Variants in PCDHGA7 observed in about 807,000 individuals in gnomAD.
PCDHGA7 encodes protocadherin gamma-A7.
A neutral mutation model predicts 58.3 loss-of-function variants in PCDHGA7; 44 were observed. That is an observed-to-expected ratio of 0.75 (90% CI 0.59 to 0.97). PCDHGA7 has a LOEUF of 0.97. Among genes scored for constraint, PCDHGA7 ranks in the 50% least tolerant of loss-of-function variants. PCDHGA7 has a pLI of 0.00. For synonymous variants in PCDHGA7, 516 were observed against 504.2 expected (o/e 1.02, Z -0.31); for missense variants, 1,266 against 1,188.7 (o/e 1.06, Z -0.96).
At position 141,412,973 on chromosome 5, in the gene PCDHGA7, C is replaced by A. The variant is rs2095594108; in HGVS notation, c.2424+27650C>A. 14 of 528,318 alleles carry A rather than the reference C, an allele frequency of 2.6e-5. No individual in the cohort carries two copies. In the South Asian group the frequency reaches 3.3e-4, roughly 12 times the overall value. The allele number at this position is 528,318 out of a possible 1,614,324, so 32.7% of individuals were successfully genotyped here. A position where few individuals can be genotyped will look rare whatever the true frequency, so the allele number is the denominator to read the frequency against. Reference sequence around the variant, plus strand: ...GCTGTTCACCTACTAGGAGAGAAAACGCAGCCAGAGCTCAATCCGGATTCT... The same window carrying A: ...GCTGTTCACCTACTAGGAGAGAAAAAGCAGCCAGAGCTCAATCCGGATTCT... On this transcript the variant is annotated intron_variant, in intron 1 of 3. Transcript: ENST00000518325.
intron 1 of PCDHGA7, chr5:141,420,386 A>G (rs1407565643): frequency 6.2e-6 from 8 of 1,284,798 alleles, no homozygotes; most frequent in Non-Finnish European, 7.2e-6. Context: ...AGTTCGCAAA[A>G]TATAGGTCAA....
rs376067853 is a variant in PCDHGA7, at chr5:141,408,397, G to C, written c.2424+23074G>C. 261 of 1,614,068 alleles carry C rather than the reference G, an allele frequency of 1.6e-4. 1 individual carries two copies. In the East Asian group the frequency reaches 5.2e-3, roughly 32 times the overall value. On this transcript the variant is annotated intron_variant, in intron 1 of 3. Coordinates refer to ENST00000518325, the MANE Select transcript of PCDHGA7 (RefSeq NM_018920.4). The stretch of plus-strand genomic sequence containing the variant: ...GTGTCCTGGATGTGTCGGCTCGCAA[G>C]CTGCGAGTGAGCGCGGAGAAGCTGC...
At chr5:141,394,425 G>A (rs2092997484) in intron 1 of PCDHGA7, 6 of 1,614,232 alleles carry the variant, frequency 3.7e-6, no homozygotes, top group Non-Finnish European at 5.1e-6. Flanking sequence ...CAGCGACAGC[G>A]GGGACCCGCC....
rs772043134 is a variant in PCDHGA7, at chr5:141,432,746, G to A, written c.2424+47423G>A. 1.2e-6 allele frequency: 2 copies of A among 1,614,098 alleles called. No homozygotes were observed. Among genetic ancestry groups the A allele is most frequent in the East Asian group, 4.5e-5 (2 of 44,860 alleles). On this transcript the variant is annotated intron_variant, in intron 1 of 3. Coordinates refer to ENST00000518325, the MANE Select transcript of PCDHGA7 (RefSeq NM_018920.4). The surrounding 1 kb of genome is among the most constrained non-coding windows in gnomAD (Gnocchi z 6.0). ...CTCCGCCACTGTCACGCTCACCGTGGCCGTGGCCGACAGCATCCCCCAAGT... is the reference window on the plus strand; with the variant it reads ...CTCCGCCACTGTCACGCTCACCGTGACCGTGGCCGACAGCATCCCCCAAGT...
chr5:141,460,214 G>C (rs925628892), intron 1 of PCDHGA7, among the ~76,000 whole-genome samples: 1 of 151,896 alleles, frequency 6.6e-6, no homozygotes, highest in South Asian at 2.1e-4. Flanking sequence ...CATTTTCTTA[G>C]TTGTGTCTTT....
At chr5:141,459,735 T>A (rs114520602) in intron 1 of PCDHGA7, among the ~76,000 whole-genome samples, 1 of 152,374 alleles carries the variant, frequency 6.6e-6, no homozygotes, top group Non-Finnish European at 1.5e-5. Flanking sequence ...GTCAATTTTT[T>A]AAATTTTAGC....
intron 1 of PCDHGA7, chr5:141,415,275 G>A (rs1242620005): frequency 5.6e-6 from 9 of 1,614,094 alleles, no homozygotes; most frequent in East Asian, 4.5e-5. Flanking sequence ...TGGTGGTAGC[G>A]GTGGCCGCGG....
intron 1 of PCDHGA7, chr5:141,395,340 G>T (rs529007241): frequency 2.1e-6 from 3 of 1,419,360 alleles, no homozygotes; most frequent in Non-Finnish European, 1.9e-6. Flanking sequence ...TAATTTTTAA[G>T]GTGTATCACA....
intron 1 of PCDHGA7, chr5:141,388,479 C>T (rs1345463224): frequency 4.3e-6 from 7 of 1,613,652 alleles, no homozygotes; most frequent in Non-Finnish European, 1.7e-6. Flanking sequence ...ATTGAAGACA[C>T]CTTTGGACAG....
At chr5:141,421,192 C>G (rs758345796) in intron 1 of PCDHGA7, 22 of 1,491,716 alleles carry the variant, frequency 1.5e-5, no homozygotes, top group Non-Finnish European at 1.9e-5. Flanking sequence ...AACCAACCAG[C>G]TCGAGAAACC....
chr5:141,430,686 C>G, intron 1 of PCDHGA7: 1 of 1,397,218 alleles, frequency 7.2e-7, no homozygotes, highest in Non-Finnish European at 9.5e-7. Context: ...CTGTCCCATT[C>G]TATGGGCGAA....
chr5:141,389,398 T>A, intron 1 of PCDHGA7: 1 of 1,613,654 alleles, frequency 6.2e-7, no homozygotes. Flanking sequence ...TACGTGTCCA[T>A]AAGCGCGGAG....
Position 141,432,759 on chromosome 5 carries a change from G to A in PCDHGA7, c.2424+47436G>A. 6.2e-7 allele frequency: 1 copy of A among 1,614,150 alleles called. No individual in the cohort carries two copies. The highest frequency in any genetic ancestry group is 8.5e-7 in the Non-Finnish European group (1 of 1,180,006). On this transcript the variant is annotated intron_variant, in intron 1 of 3. Coordinates refer to ENST00000518325, the MANE Select transcript of PCDHGA7 (RefSeq NM_018920.4). This position sits in a 1 kb window ranked among gnomAD's most constrained non-coding sequence, Gnocchi z 6.0. ...ACGCTCACCGTGGCCGTGGCCGACA[G>A]CATCCCCCAAGTCCTGGCGGACCTC...
chr5:141,399,030 G>C, intron 1 of PCDHGA7: 1 of 1,613,824 alleles, frequency 6.2e-7, no homozygotes, highest in Non-Finnish European at 8.5e-7. Flanking sequence ...CCACTCAAAA[G>C]AAACTGGATT....
At position 141,461,820 on chromosome 5, in the gene PCDHGA7, AT is replaced by A. The variant is rs1458631685; in HGVS notation, c.2425-32978del. Among the ~76,000 whole-genome samples the A allele has an allele frequency of 8.1e-5, 12 of 147,918 alleles. 1 individual carries two copies. In the South Asian group the frequency reaches 1.3e-3, roughly 16 times the overall value. On this transcript the variant is annotated intron_variant, in intron 1 of 3. Transcript: ENST00000518325. ...AGGTGCCCACCACCACACCCAGCTAATTTTTTTTTCTTTTTTTTTTGAGACA... is the reference window on the plus strand; with the variant it reads ...AGGTGCCCACCACCACACCCAGCTAATTTTTTTTCTTTTTTTTTTGAGACA...
At chr5:141,427,266 G>A (rs753905641) in intron 1 of PCDHGA7, 15 of 456,620 alleles carry the variant, frequency 3.3e-5, no homozygotes, top group Non-Finnish European at 5.7e-5. Context: ...CATGACCAGC[G>A]AATGTAAAAT....
intron 1 of PCDHGA7, chr5:141,409,049 AG>A: frequency 6.2e-7 from 1 of 1,614,028 alleles, no homozygotes; most frequent in African/African-American, 1.3e-5. Context: ...CTACTTCCGA[AG>A]CACTGCCCAG....
chr5:141,449,389 T>C (rs577860793), intron 1 of PCDHGA7, among the ~76,000 whole-genome samples: 5 of 151,964 alleles, frequency 3.3e-5, no homozygotes, highest in African/African-American at 1.2e-4. Flanking sequence ...GGTGGATTAC[T>C]TGAGGCCAGG....
At chr5:141,495,052 CTGTT>C (rs1406995321) in intron 2 of PCDHGA7, among the ~76,000 whole-genome samples, 187 bp downstream of exon 2, 1 of 152,190 alleles carries the variant, frequency 6.6e-6, no homozygotes, top group Non-Finnish European at 1.5e-5. Context: ...ACTGCCCTGA[CTGTT>C]CAGGAAGCTC....
Sources: gnomAD v4.1 joint callset for allele counts (sites outside exome capture counted in the v4.1 genomes callset) on GRCh38, gnomAD v4.1.1 for gene constraint, Gnocchi (gnomAD v3.1) non-coding constraint, MANE v1.5 for transcripts, NCBI Gene and HGNC (gene_info 2026-07-23, HGNC 2026-07-21) for gene names.